MAP3K5: variants seen among roughly 807,000 people sequenced by gnomAD.
MAP3K5 encodes the protein ASK-1.
Under a neutral mutation model 158.7 loss-of-function variants are expected in MAP3K5, and 56 were observed. The observed-to-expected ratio is 0.35, with a 90% confidence interval of 0.28 to 0.44. The LOEUF is 0.44. MAP3K5 is among the 20% of genes least tolerant of loss of function. MAP3K5 has a pLI of 1.00. For missense variants in MAP3K5, 1,294 were observed against 1,674.8 expected, an observed-to-expected ratio of 0.77 and a Z score of 3.97; for synonymous variants, 579 against 601.7, an observed-to-expected ratio of 0.96 and a Z score of 0.55.
intron 1 of MAP3K5, among the ~76,000 whole-genome samples, chr6:136,784,190 G>T (rs1417679340): frequency 6.6e-6 from 1 of 152,158 alleles, no homozygotes; most frequent in African/African-American, 2.4e-5. Context: ...GCAGACAACA[G>T]GTGACCAAAT....
intron 21 of MAP3K5, among the ~76,000 whole-genome samples, chr6:136,595,114 G>T (rs186631874): frequency 2.0e-5 from 3 of 152,016 alleles, no homozygotes; most frequent in Non-Finnish European, 4.4e-5. Flanking sequence ...TTCCCTCCTC[G>T]GTTTGATTTT....
intron 14 of MAP3K5, among the ~76,000 whole-genome samples, chr6:136,626,092 T>G (rs1212251414): frequency 6.6e-6 from 1 of 152,170 alleles, no homozygotes; most frequent in African/African-American, 2.4e-5. Context: ...GCTCATCAGA[T>G]CGCTCTGCAA....
intron 1 of MAP3K5, among the ~76,000 whole-genome samples, chr6:136,739,402 G>A (rs574819804): frequency 1.3e-5 from 2 of 152,262 alleles, no homozygotes; most frequent in Non-Finnish European, 2.9e-5. Context: ...CAACAAAGAG[G>A]TGTCAATGAA....
chr6:136,579,641 A>G (rs981227404), intron 25 of MAP3K5, among the ~76,000 whole-genome samples: 15 of 152,230 alleles, frequency 9.9e-5, no homozygotes, highest in African/African-American at 3.6e-4. Context: ...CTTGGTGATG[A>G]TAACGTGTCA....
In MAP3K5 at chr6:136,697,499, TG is replaced by T. The variant is rs1300594775; in HGVS notation, c.807-113del. The T allele has an allele frequency of 9.3e-5, 81 of 875,124 alleles. No individual in the cohort carries two copies. In the African/African-American group the frequency reaches 1.2e-3, roughly 13 times the overall value. 54.2% of individuals were successfully genotyped at this position (875,124 alleles called of 1,614,324 possible). A position where few individuals can be genotyped will look rare whatever the true frequency, so the allele number is the denominator to read the frequency against. On this transcript the variant is annotated intron_variant, in intron 4 of 29. Coordinates refer to ENST00000359015, the MANE Select transcript of MAP3K5 (RefSeq NM_005923.4). ...ATTGCAGCATTAGCTATAAAGCATT[TG>T]TAGTTTTCAGTTCATTCAGATGCCT...
chr6:136,634,379 C>A (rs1177912067), intron 14 of MAP3K5, among the ~76,000 whole-genome samples: 1 of 152,034 alleles, frequency 6.6e-6, no homozygotes, highest in East Asian at 1.9e-4. Flanking sequence ...GCTAAAAGAA[C>A]ACCCACAAAA....
At chr6:136,622,739 G>T in intron 15 of MAP3K5, 109 bp downstream of exon 15, 1 of 1,212,684 alleles carries the variant, frequency 8.2e-7, no homozygotes, top group Non-Finnish European at 1.2e-6. Flanking sequence ...AATTCACAGA[G>T]TGAAGTTTTC....
intron 1 of MAP3K5, among the ~76,000 whole-genome samples, chr6:136,731,988 AAAG>A (rs1365464730): frequency 6.6e-6 from 1 of 152,178 alleles, no homozygotes; most frequent in Non-Finnish European, 1.5e-5. Flanking sequence ...AGTCAAGCTG[AAAG>A]AAGAAAAAAA....
At chr6:136,759,348 A>C (rs1018365575) in intron 1 of MAP3K5, among the ~76,000 whole-genome samples, 5 of 151,288 alleles carry the variant, frequency 3.3e-5, no homozygotes, top group Non-Finnish European at 5.9e-5. Flanking sequence ...ATAAAGATAA[A>C]AAGGCAAAAG....
intron 1 of MAP3K5, among the ~76,000 whole-genome samples, chr6:136,787,898 C>T (rs957510644): frequency 6.6e-6 from 1 of 152,216 alleles, no homozygotes; most frequent in South Asian, 2.1e-4. Flanking sequence ...GGGGCCAAAT[C>T]CTGTGGGCCA....
At chr6:136,784,040 G>A (rs1171225508) in intron 1 of MAP3K5, among the ~76,000 whole-genome samples, 1 of 152,216 alleles carries the variant, frequency 6.6e-6, no homozygotes, top group Non-Finnish European at 1.5e-5. Context: ...GAGGGGAACT[G>A]CCCTATAAAC....
chr6:136,581,259 C>T (rs1583215722), intron 24 of MAP3K5, among the ~76,000 whole-genome samples: 1 of 152,326 alleles, frequency 6.6e-6, no homozygotes, highest in East Asian at 1.9e-4. Flanking sequence ...CATAACATCT[C>T]TAAGCTTCAT....
chr6:136,724,555 T>G (rs1223366535), intron 1 of MAP3K5, among the ~76,000 whole-genome samples: 1 of 152,016 alleles, frequency 6.6e-6, no homozygotes, highest in African/African-American at 2.4e-5. Context: ...GCCTAGACAT[T>G]TAAAATAAAT....
chr6:136,774,410 G>A (rs1002179776), intron 1 of MAP3K5, among the ~76,000 whole-genome samples: 8 of 152,078 alleles, frequency 5.3e-5, no homozygotes, highest in African/African-American at 1.9e-4. Context: ...AGCTGTGATC[G>A]CACCACTGCA....
chr6:136,564,797 C>A (rs1357432635), intron 26 of MAP3K5, among the ~76,000 whole-genome samples: 1 of 152,160 alleles, frequency 6.6e-6, no homozygotes, highest in Non-Finnish European at 1.5e-5. Flanking sequence ...AGATTGAAAA[C>A]CTAACTTAGG....
At chr6:136,637,660 G>GT (rs35303108) in intron 13 of MAP3K5, among the ~76,000 whole-genome samples, 28 of 149,068 alleles carry the variant, frequency 1.9e-4, no homozygotes, top group Admixed American at 3.3e-4. Flanking sequence ...TTCTTGTAAA[G>GT]TTTTTTTTTT....
chr6:136,765,896 T>C (rs115253733), intron 1 of MAP3K5, among the ~76,000 whole-genome samples: 15 of 152,004 alleles, frequency 9.9e-5, no homozygotes, highest in African/African-American at 3.4e-4. Flanking sequence ...AACACAGAAA[T>C]AGTAAGTGGC....
chr6:136,605,772 G>T (rs1202865017), intron 18 of MAP3K5, among the ~76,000 whole-genome samples: 3 of 152,162 alleles, frequency 2.0e-5, no homozygotes, highest in Non-Finnish European at 4.4e-5. Context: ...TTCCAGAAGA[G>T]AATATAGTTC....
At chr6:136,735,754 G>A (rs1782429876) in intron 1 of MAP3K5, among the ~76,000 whole-genome samples, 2 of 152,182 alleles carry the variant, frequency 1.3e-5, no homozygotes, top group Middle Eastern at 3.4e-3. Flanking sequence ...GCTTGGGCCC[G>A]GGAGTTCAAG....
Sources: allele counts gnomAD v4.1 joint callset (sites outside exome capture counted in the v4.1 genomes callset), GRCh38; gene constraint gnomAD v4.1.1; transcripts MANE v1.5; gene names NCBI Gene and HGNC (gene_info 2026-07-23, HGNC 2026-07-21).